AKR1E2: variants seen among roughly 807,000 people sequenced by gnomAD.
The protein encoded by AKR1E2 is 1,5-anhydro-D-fructose reductase.
In AKR1E2, 43 loss-of-function variants were observed where a neutral mutation model predicts 41.9. That is an observed-to-expected ratio of 1.03 (90% CI 0.80 to 1.32). The LOEUF (loss-of-function observed/expected upper bound fraction) is 1.32. Ranked by LOEUF, AKR1E2 falls within the 40% of genes most tolerant of loss-of-function variation. The pLI is 0.00. For missense variants in AKR1E2, 423 were observed against 396.5 expected (o/e 1.07, Z -0.57); for synonymous variants, 121 against 138.9 (o/e 0.87, Z 0.91).
At chr10:4,849,868 CGGCTCTTAACA>C (rs1397717765), downstream of AKR1E2, among the ~76,000 whole-genome samples, 1 of 152,172 alleles carries the variant, frequency 6.6e-6, no homozygotes, top group African/African-American at 2.4e-5. Context: ...AGTGCATCTG[CGGCTCTTAACA>C]GGAGATGGCA....
intron 8 of AKR1E2, among the ~76,000 whole-genome samples, chr10:4,843,375 C>T (rs1352697213): frequency 6.6e-6 from 1 of 152,182 alleles, no homozygotes; most frequent in East Asian, 1.9e-4. Context: ...GCCAGTCACC[C>T]TCAGTCACGG....
downstream of AKR1E2, among the ~76,000 whole-genome samples, chr10:4,851,839 C>T (rs1834532426): frequency 6.6e-6 from 1 of 152,146 alleles, no homozygotes; most frequent in Non-Finnish European, 1.5e-5. Flanking sequence ...ATGTGGGAAA[C>T]AGTTAACTAG....
At chr10:4,847,418 A>G in intron 9 of AKR1E2, 70 bp from the exon 10 acceptor site, 1 of 1,571,270 alleles carries the variant, frequency 6.4e-7, no homozygotes, top group Non-Finnish European at 8.7e-7. Flanking sequence ...AGTATATACC[A>G]TTTAAAATGT....
At chr10:4,864,644 A>C in the AKR1E2 span, among the ~76,000 whole-genome samples, 15 of 152,200 alleles carry the variant, frequency 9.9e-5, no homozygotes, top group Non-Finnish European at 1.9e-4. Context: ...GAAGGTATTC[A>C]ATTAGGAAAA....
At chr10:4,849,092 A>C (rs1834475393), downstream of AKR1E2, among the ~76,000 whole-genome samples, 1 of 152,140 alleles carries the variant, frequency 6.6e-6, no homozygotes, top group Admixed American at 6.5e-5. Flanking sequence ...CCAAAACGAA[A>C]AGACATGACT....
Position 4,837,593 on chromosome 10 carries a change from G to A in AKR1E2, c.582+12G>A. On this transcript the variant is annotated intron_variant, in intron 5 of 9. Coordinates refer to ENST00000298375, the MANE Select transcript of AKR1E2 (RefSeq NM_001040177.3). ...CACTAACCAACCAGGTAAGCCGATGGAAGCATCAGAGAGTTTAACCTGTGT... is the reference window on the plus strand; with the variant it reads ...CACTAACCAACCAGGTAAGCCGATGAAAGCATCAGAGAGTTTAACCTGTGT... 1 of 1,611,806 alleles carries A rather than the reference G, an allele frequency of 6.2e-7. No homozygotes were observed. Among genetic ancestry groups the A allele is most frequent in the Non-Finnish European group, 8.5e-7 (1 of 1,178,338 alleles).
At position 4,829,551 on chromosome 10, in the gene AKR1E2, AT is replaced by A. The variant is rs75797231; in HGVS notation, c.40-1117del. ...TGAAAGTCTGTGTTAAACTGAGATGATTTTTTTCTTGAAAATTTTATGAAAC... is the reference window on the plus strand; with the variant it reads ...TGAAAGTCTGTGTTAAACTGAGATGATTTTTTCTTGAAAATTTTATGAAAC... On this transcript the variant is annotated intron_variant, in intron 1 of 9. Coordinates refer to ENST00000298375, the MANE Select transcript of AKR1E2 (RefSeq NM_001040177.3). Among the ~76,000 whole-genome samples, 7 of 151,858 alleles carry A rather than the reference AT, an allele frequency of 4.6e-5. No homozygotes were observed. The East Asian group carries it at 9.7e-4, about 21-fold the overall frequency.
chr10:4,825,922 C>T (rs528303329), upstream of AKR1E2, among the ~76,000 whole-genome samples: 18 of 152,234 alleles, frequency 1.2e-4, no homozygotes, highest in African/African-American at 4.1e-4. Context: ...GAGGTCACAC[C>T]TAAGGTGGGG....
In AKR1E2 at chr10:4,826,364, G is replaced by A. The variant is rs1832501960; in HGVS notation, c.39+1G>A. The A allele has an allele frequency of 5.7e-6, 7 of 1,234,636 alleles. No individual in the cohort carries two copies. Among genetic ancestry groups the A allele is most frequent in the Non-Finnish European group, 7.1e-6 (7 of 987,400 alleles). The allele number at this position is 1,234,636 out of a possible 1,614,324, so 76.5% of individuals were successfully genotyped here. On this transcript the variant is annotated splice_donor_variant, in intron 1 of 9. Coordinates refer to ENST00000298375, the MANE Select transcript of AKR1E2 (RefSeq NM_001040177.3). LOFTEE classifies it high-confidence loss of function. The stretch of plus-strand genomic sequence containing the variant: ...AGCCGTGGGCCTCAGCTCCTGGAAG[G>A]TGACGCGGTCGCGGGCAGGGAGGCG...
At chr10:4,859,413 A>G in the AKR1E2 span, among the ~76,000 whole-genome samples, 3 of 152,322 alleles carry the variant, frequency 2.0e-5, no homozygotes, top group Admixed American at 2.0e-4. Context: ...GATATACTGG[A>G]TATAAGATAA....
chr10:4,837,880 C>A (rs1185523822), intron 5 of AKR1E2, among the ~76,000 whole-genome samples: 1 of 152,194 alleles, frequency 6.6e-6, no homozygotes, highest in African/African-American at 2.4e-5. Context: ...GCAGGTGCCT[C>A]ACCCTTATCC....
downstream of AKR1E2, among the ~76,000 whole-genome samples, chr10:4,851,636 T>A (rs1247355559): frequency 6.6e-6 from 1 of 152,228 alleles, no homozygotes; most frequent in African/African-American, 2.4e-5. Context: ...TACTATTCTA[T>A]AAGTATGTTA....
At chr10:4,869,096 G>A in the AKR1E2 span, among the ~76,000 whole-genome samples, 1 of 152,040 alleles carries the variant, frequency 6.6e-6, no homozygotes, top group Admixed American at 6.6e-5. Flanking sequence ...GTTTTCTGAA[G>A]CGATTGTATA....
chr10:4,858,688 A>G, the AKR1E2 span, among the ~76,000 whole-genome samples: 1 of 152,170 alleles, frequency 6.6e-6, no homozygotes, highest in Non-Finnish European at 1.5e-5. Flanking sequence ...CAAGGTGGAA[A>G]GAAGGCATGC....
chr10:4,831,929 G>T (rs1382428487), intron 2 of AKR1E2, among the ~76,000 whole-genome samples: 1 of 152,222 alleles, frequency 6.6e-6, no homozygotes, highest in Non-Finnish European at 1.5e-5. Context: ...AGAGGCAGGA[G>T]GCCAGGTAGG....
the AKR1E2 span, among the ~76,000 whole-genome samples, chr10:4,853,922 C>T: frequency 5.3e-5 from 8 of 152,244 alleles, no homozygotes; most frequent in Non-Finnish European, 7.4e-5. Context: ...CCCACCAGCG[C>T]CATGGCAATG....
chr10:4,864,261 C>T, the AKR1E2 span, among the ~76,000 whole-genome samples: 1 of 152,120 alleles, frequency 6.6e-6, no homozygotes, highest in Non-Finnish European at 1.5e-5. Context: ...GCTTATCCAC[C>T]ATGATCAAGT....
intron 9 of AKR1E2, 48 bp downstream of exon 9, chr10:4,847,278 T>C: frequency 6.2e-7 from 1 of 1,611,162 alleles, no homozygotes; most frequent in South Asian, 1.1e-5. Flanking sequence ...ATATACAGAT[T>C]GAATGATTGG....
rs554049269 is a variant in AKR1E2 at position 4,837,618 on chromosome 10, T to C, written c.582+37T>C. On this transcript the variant is annotated intron_variant, in intron 5 of 9. Transcript: ENST00000298375. ...GAAGCATCAGAGAGTTTAACCTGTG[T>C]GGCTGGTCCCCCAGCTGCCACCTCC... 8 of 1,591,626 alleles carry C rather than the reference T, an allele frequency of 5.0e-6. No individual in the cohort carries two copies. In the South Asian group the frequency reaches 5.6e-5, roughly 11 times the overall value.
Sources: gnomAD v4.1 joint callset for allele counts (sites outside exome capture counted in the v4.1 genomes callset) on GRCh38, gnomAD v4.1.1 for gene constraint, MANE v1.5 for transcripts, NCBI Gene and HGNC (gene_info 2026-07-23, HGNC 2026-07-21) for gene names.